Variants in GALNTL6 observed in about 807,000 individuals in gnomAD.
GALNTL6 encodes polypeptide N-acetylgalactosaminyltransferase like 6.
A neutral mutation model predicts 73.7 loss-of-function variants in GALNTL6; 46 were observed. The ratio of observed to expected loss-of-function variants is 0.62; its 90% CI spans 0.49 to 0.80. The LOEUF is 0.80. Ranked by LOEUF, GALNTL6 falls within the 30% of genes least tolerant of loss-of-function variation. GALNTL6 has a pLI of 0.00. For missense variants in GALNTL6, 604 were observed against 755.0 expected (o/e 0.80, Z 2.34); for synonymous variants, 259 against 263.7 (o/e 0.98, Z 0.17).
chr4:172,169,499 T>G (rs1734743067), intron 2 of GALNTL6, among the ~76,000 whole-genome samples: 1 of 152,192 alleles, frequency 6.6e-6, no homozygotes, highest in Non-Finnish European at 1.5e-5. Context: ...AACTCTGACT[T>G]CTCTTTTTTT....
At chr4:171,918,277 T>C (rs1266093316) in intron 2 of GALNTL6, among the ~76,000 whole-genome samples, 3 of 152,058 alleles carry the variant, frequency 2.0e-5, no homozygotes, top group African/African-American at 7.2e-5. Flanking sequence ...AAGATATAAG[T>C]CTGACATGTA....
Position 172,039,542 on chromosome 4 carries a change from A to G in GALNTL6, c.139-190114A>G, listed in dbSNP as rs571270889. On this transcript the variant is annotated intron_variant, in intron 2 of 12. Transcript: ENST00000506823. Reference sequence around the variant, plus strand: ...TTATGTAGCTTCTCTAGTAGGGGACAGTCAGGAATGAGTTATGGAGAGAAA... The same window carrying G: ...TTATGTAGCTTCTCTAGTAGGGGACGGTCAGGAATGAGTTATGGAGAGAAA... 3.3e-5 allele frequency among the ~76,000 whole-genome samples: 5 copies of G among 152,266 alleles called. No homozygotes were observed. The South Asian group carries it at 1.0e-3, about 32-fold the overall frequency.
intron 2 of GALNTL6, among the ~76,000 whole-genome samples, chr4:172,093,669 A>G (rs1732271124): frequency 4.6e-5 from 7 of 152,176 alleles, no homozygotes; most frequent in Admixed American, 4.6e-4. Flanking sequence ...GATTAGCATC[A>G]GCATTAGATT....
intron 7 of GALNTL6, among the ~76,000 whole-genome samples, chr4:172,816,324 A>G (rs1414681641): frequency 6.6e-6 from 1 of 152,242 alleles, no homozygotes; most frequent in Non-Finnish European, 1.5e-5. Flanking sequence ...TATCTAATTT[A>G]TTCTGCCATT....
At chr4:172,061,406 C>T (rs965087802) in intron 2 of GALNTL6, among the ~76,000 whole-genome samples, 37 of 152,310 alleles carry the variant, frequency 2.4e-4, no homozygotes, top group Middle Eastern at 3.4e-3. Flanking sequence ...CAGCCCTAGT[C>T]ATATATTGCA....
At chr4:172,727,784 C>G (rs1348442648) in intron 5 of GALNTL6, among the ~76,000 whole-genome samples, 1 of 151,832 alleles carries the variant, frequency 6.6e-6, no homozygotes, top group African/African-American at 2.4e-5. Flanking sequence ...TTAATTCTAG[C>G]ACATTATTTA....
chr4:171,870,474 G>A (rs900257597), intron 2 of GALNTL6, among the ~76,000 whole-genome samples: 2 of 152,088 alleles, frequency 1.3e-5, no homozygotes, highest in Admixed American at 6.6e-5. Context: ...CTATGGCTTA[G>A]GGCGCTTTAC....
chr4:172,628,336 C>T (rs1180420359), intron 5 of GALNTL6, among the ~76,000 whole-genome samples: 1 of 152,150 alleles, frequency 6.6e-6, no homozygotes, highest in Non-Finnish European at 1.5e-5. Context: ...TACAAGCATA[C>T]ATCTGAATGT....
intron 8 of GALNTL6, among the ~76,000 whole-genome samples, chr4:172,887,134 G>A (rs1641787605): frequency 6.6e-6 from 1 of 152,172 alleles, no homozygotes; most frequent in Admixed American, 6.5e-5. Flanking sequence ...GCCTCTAGCT[G>A]CATCCATGTT....
chr4:172,658,149 CAAAA>C (rs58279803), intron 5 of GALNTL6, among the ~76,000 whole-genome samples: 6 of 5,012 alleles, frequency 1.2e-3, no homozygotes, highest in Non-Finnish European at 2.0e-3. Flanking sequence ...GACTCCGTCT[CAAAA>C]AAAAAAAAAA....
intron 2 of GALNTL6, among the ~76,000 whole-genome samples, chr4:171,949,470 T>C (rs977475742): frequency 6.6e-6 from 1 of 152,178 alleles, no homozygotes; most frequent in East Asian, 1.9e-4. Flanking sequence ...ATAAACTTTT[T>C]TGATTATGCT....
At chr4:173,010,491 C>T (rs1752497878) in intron 11 of GALNTL6, among the ~76,000 whole-genome samples, 1 of 152,108 alleles carries the variant, frequency 6.6e-6, no homozygotes, top group Non-Finnish European at 1.5e-5. Context: ...CAGGTGTCTC[C>T]TCGATATACT....
intron 2 of GALNTL6, among the ~76,000 whole-genome samples, chr4:172,188,572 CATAA>C (rs1467474843): frequency 4.6e-5 from 7 of 152,272 alleles, no homozygotes; most frequent in Non-Finnish European, 1.0e-4. Flanking sequence ...TAACAGAAAA[CATAA>C]ATAAATATAA....
chr4:171,822,749 C>T (rs1401827393), intron 2 of GALNTL6, among the ~76,000 whole-genome samples: 4 of 152,210 alleles, frequency 2.6e-5, no homozygotes, highest in African/African-American at 9.6e-5. Context: ...GCAATTAAAC[C>T]ATAAACCTGT....
At chr4:172,176,337 C>CA (rs562300659) in intron 2 of GALNTL6, among the ~76,000 whole-genome samples, 566 of 31,360 alleles carry the variant, frequency 0.018, 118 homozygotes, top group African/African-American at 0.076. Context: ...GACTCCGTCT[C>CA]AAAAAAAAAA....
chr4:172,308,594 G>C (rs1175361007), intron 3 of GALNTL6, among the ~76,000 whole-genome samples: 1 of 152,080 alleles, frequency 6.6e-6, no homozygotes, highest in Non-Finnish European at 1.5e-5. Context: ...ATAATCATAT[G>C]ATTTTTGTTT....
At chr4:172,080,448 G>A (rs985467606) in intron 2 of GALNTL6, among the ~76,000 whole-genome samples, 1 of 152,098 alleles carries the variant, frequency 6.6e-6, no homozygotes, top group Non-Finnish European at 1.5e-5. Flanking sequence ...ACAGGCATAA[G>A]CCACTGTGCC....
chr4:172,452,484 A>G (rs1732250371), intron 5 of GALNTL6, among the ~76,000 whole-genome samples: 1 of 152,150 alleles, frequency 6.6e-6, no homozygotes, highest in African/African-American at 2.4e-5. Context: ...TAAAGTCTGT[A>G]CTATATGTTT....
intron 8 of GALNTL6, among the ~76,000 whole-genome samples, chr4:172,907,911 A>G (rs962249476): frequency 1.3e-5 from 2 of 152,170 alleles, no homozygotes; most frequent in African/African-American, 4.8e-5. Flanking sequence ...TAAAGGAAGC[A>G]CTTTACAGCT....
Sources: allele counts gnomAD v4.1 joint callset (sites outside exome capture counted in the v4.1 genomes callset), GRCh38; gene constraint gnomAD v4.1.1; transcripts MANE v1.5; gene names NCBI Gene and HGNC (gene_info 2026-07-23, HGNC 2026-07-21).